The following NCAPD3 variants were observed in gnomAD, a reference collection of about 807,000 sequenced individuals.
NCAPD3 encodes non-SMC condensin II complex subunit D3.
In NCAPD3, 105 loss-of-function variants were observed where a neutral mutation model predicts 182.9. The observed-to-expected ratio is 0.57, with a 90% CI of 0.49 to 0.68. The LOEUF (loss-of-function observed/expected upper bound fraction) is 0.68, where lower values mean the gene tolerates loss of function less well. Ranked by LOEUF, NCAPD3 falls within the 30% of genes least tolerant of loss-of-function variation. The pLI is 0.00. For synonymous variants in NCAPD3, 815 were observed against 679.9 expected, an observed-to-expected ratio of 1.20 and a Z score of -3.09; for missense variants, 1,944 against 1,837.0, an observed-to-expected ratio of 1.06 and a Z score of -1.07.
At chr11:134,225,108 C>A, upstream of NCAPD3, 1 of 1,588,368 alleles carries the variant, frequency 6.3e-7, no homozygotes, top group Non-Finnish European at 8.6e-7. Flanking sequence ...GAGACCCGCC[C>A]GGCCCGGCGG....
rs1048592591 is a variant in NCAPD3 at position 134,154,488 on chromosome 11, C to G, written c.4253-1125G>C. On this transcript the variant is annotated intron_variant, in intron 32 of 34. Coordinates refer to ENST00000534548, the MANE Select transcript of NCAPD3 (RefSeq NM_015261.3). ...TTATGCTTCTCTGCACCCCCCCCCC[C>G]ACCGCCCCATCTGCCTACACATGCC... 2.0e-4 allele frequency among the ~76,000 whole-genome samples: 29 copies of G among 146,300 alleles called. 1 individual carries two copies. Among genetic ancestry groups the G allele is most frequent in the Admixed American group, 1.6e-3 (24 of 14,854 alleles).
chr11:134,159,864 G>C (rs762880859), intron 29 of NCAPD3, 28 bp downstream of exon 29: 44 of 1,599,238 alleles, frequency 2.8e-5, no homozygotes, highest in Non-Finnish European at 3.5e-5. Flanking sequence ...GGACTGTCTG[G>C]TCACAGTGCA....
At position 134,193,486 on chromosome 11, in the gene NCAPD3, C is replaced by T. The variant is rs150147468; in HGVS notation, c.1824+530G>A. Among the ~76,000 whole-genome samples the T allele has an allele frequency of 7.3e-3, 1,107 of 152,350 alleles. 9 individuals are homozygous for T. The highest frequency in any genetic ancestry group is 0.025 in the African/African-American group (1,043 of 41,574). On this transcript the variant is annotated intron_variant, in intron 15 of 34. Coordinates refer to ENST00000534548, the MANE Select transcript of NCAPD3 (RefSeq NM_015261.3). ...TGAAGAAAAGGGCCGGGTGCAGTCA[C>T]TCATGCCTGTAATCCCAGCACTTTG...
At chr11:134,172,040 C>A (rs1450767822) in intron 24 of NCAPD3, among the ~76,000 whole-genome samples, 1 of 152,160 alleles carries the variant, frequency 6.6e-6, no homozygotes, top group Non-Finnish European at 1.5e-5. Flanking sequence ...GCGTGTGGAC[C>A]AGATAGTGTG....
intron 32 of NCAPD3, 189 bp downstream of exon 32, chr11:134,156,829 A>G: frequency 2.0e-6 from 1 of 504,746 alleles, no homozygotes; most frequent in Non-Finnish European, 3.5e-6. Context: ...CTGGAACAAC[A>G]TACTCGGTCA....
In NCAPD3 at chr11:134,204,526, A is replaced by G. The variant is rs1391488262; in HGVS notation, c.1090-355T>C. Among the ~76,000 whole-genome samples, 2 of 152,204 alleles carry G rather than the reference A, an allele frequency of 1.3e-5. No homozygotes were observed. The highest frequency in any genetic ancestry group is 4.1e-4 in the South Asian group (2 of 4,834). On this transcript the variant is annotated intron_variant, in intron 9 of 34. Transcript: ENST00000534548. This position sits in a 1 kb window ranked among gnomAD's most constrained non-coding sequence, Gnocchi z 4.3. Reference sequence around the variant, plus strand: ...GGATGTTTGATAATATTAAGGAATTACCGTGAAAGGATATGATGGAATTTG... The same window carrying G: ...GGATGTTTGATAATATTAAGGAATTGCCGTGAAAGGATATGATGGAATTTG...
Position 134,157,887 on chromosome 11 carries a change from G to T in NCAPD3, c.4174+41C>A, listed in dbSNP as rs538118098. 216 of 1,571,774 alleles carry T rather than the reference G, an allele frequency of 1.4e-4. 1 individual carries two copies. In the South Asian group the frequency reaches 2.1e-3, roughly 16 times the overall value. On this transcript the variant is annotated intron_variant, in intron 31 of 34. Transcript: ENST00000534548. ...AGTAGCTTGTTCTGTGTTTTCATCT[G>T]TAAATGCTCTACTGTGTCTGGCACC...
chr11:134,212,800 A>T (rs910878171), intron 3 of NCAPD3, among the ~76,000 whole-genome samples: 2 of 152,254 alleles, frequency 1.3e-5, no homozygotes, highest in African/African-American at 4.8e-5. Flanking sequence ...AAGCAAGCAC[A>T]TAAAACATAC....
In NCAPD3 at chr11:134,210,266, T is replaced by C. The variant is rs755933625; in HGVS notation, c.567+4A>G. The C allele has an allele frequency of 1.2e-6, 2 of 1,609,534 alleles. No homozygotes were observed. Among genetic ancestry groups the C allele is most frequent in the Non-Finnish European group, 1.7e-6 (2 of 1,178,438 alleles). ...ATATGTTTTATACTCAACTTACTTCTTACCTCAATATCTTCTCTCCTGGGT... is the reference window on the plus strand; with the variant it reads ...ATATGTTTTATACTCAACTTACTTCCTACCTCAATATCTTCTCTCCTGGGT... On this transcript the variant is annotated splice_donor_region_variant and intron_variant, in intron 4 of 34. Transcript: ENST00000534548.
chr11:134,192,434 A>C (rs918006957), intron 16 of NCAPD3, among the ~76,000 whole-genome samples: 1 of 152,230 alleles, frequency 6.6e-6, no homozygotes, highest in Non-Finnish European at 1.5e-5. Flanking sequence ...ACTACATATG[A>C]AGACACCAAA....
At chr11:134,158,796 C>T (rs1159219844) in intron 29 of NCAPD3, among the ~76,000 whole-genome samples, 1 of 152,160 alleles carries the variant, frequency 6.6e-6, no homozygotes, top group Non-Finnish European at 1.5e-5. Flanking sequence ...TTTTGGTACC[C>T]ATTAACCAAC....
intron 7 of NCAPD3, 144 bp from the exon 8 acceptor site, chr11:134,206,876 T>C (rs954025212): frequency 5.4e-6 from 4 of 742,666 alleles, no homozygotes; most frequent in Non-Finnish European, 8.4e-6. Flanking sequence ...ACTAGGGATA[T>C]ATTTCTTAAA....
chr11:134,160,957 T>C (rs1943561147), intron 28 of NCAPD3, among the ~76,000 whole-genome samples: 1 of 152,028 alleles, frequency 6.6e-6, no homozygotes, highest in Non-Finnish European at 1.5e-5. Context: ...GTTTTTTTTT[T>C]TCCTTTCTAG....
chr11:134,225,227 G>T, upstream of NCAPD3: 1 of 1,614,174 alleles, frequency 6.2e-7, no homozygotes, highest in East Asian at 2.2e-5. Context: ...GGAAGAAGGA[G>T]AAATATTTCC....
chr11:134,164,104 A>G (rs621516), intron 27 of NCAPD3, among the ~76,000 whole-genome samples: 66,666 of 151,910 alleles, frequency 0.44, 16,880 homozygotes, highest in African/African-American at 0.71. Flanking sequence ...AAGCCTCCAG[A>G]GGCCAGGTGG....
Position 134,204,813 on chromosome 11 carries a change from AT to A in NCAPD3, c.1089+85del. 9.0e-7 allele frequency: 1 copy of A among 1,115,992 alleles called. No homozygotes were observed. Among genetic ancestry groups the A allele is most frequent in the South Asian group, 1.5e-5 (1 of 68,498 alleles). The allele number at this position is 1,115,992 out of a possible 1,614,324, so 69.1% of individuals were successfully genotyped here. A position where few individuals can be genotyped will look rare whatever the true frequency, so the allele number is the denominator to read the frequency against. Reference sequence around the variant, plus strand: ...AATGCACACTCATTCCCAAGAACAAATACCCACACTCACACACACACACACA... The same window carrying A: ...AATGCACACTCATTCCCAAGAACAAAACCCACACTCACACACACACACACA... On this transcript the variant is annotated intron_variant, in intron 9 of 34. Coordinates refer to ENST00000534548, the MANE Select transcript of NCAPD3 (RefSeq NM_015261.3). The surrounding 1 kb of genome is among the most constrained non-coding windows in gnomAD (Gnocchi z 4.3).
intron 19 of NCAPD3, among the ~76,000 whole-genome samples, chr11:134,184,341 C>T (rs536417281): frequency 6.6e-6 from 1 of 152,316 alleles, no homozygotes; most frequent in East Asian, 1.9e-4. Flanking sequence ...AGAAAGAGAA[C>T]CTTGCAGAAT....
intron 13 of NCAPD3, among the ~76,000 whole-genome samples, chr11:134,199,675 G>C (rs757087303): frequency 2.0e-5 from 3 of 152,134 alleles, no homozygotes; most frequent in South Asian, 2.1e-4. Context: ...TTTGTGTTAC[G>C]TAAGTGGAGT....
intron 3 of NCAPD3, 118 bp from the exon 4 acceptor site, chr11:134,210,572 T>C (rs1937796201): frequency 1.1e-6 from 1 of 893,358 alleles, no homozygotes; most frequent in Non-Finnish European, 1.7e-6. Flanking sequence ...TGAATAACAA[T>C]GAACCTGTAG....
Sources: gnomAD v4.1 joint callset for allele counts (sites outside exome capture counted in the v4.1 genomes callset) on GRCh38, gnomAD v4.1.1 for gene constraint, Gnocchi (gnomAD v3.1) non-coding constraint, MANE v1.5 for transcripts, NCBI Gene and HGNC (gene_info 2026-07-23, HGNC 2026-07-21) for gene names.